DLGAP2: variants seen among roughly 807,000 people sequenced by gnomAD.
DLGAP2 encodes disks large-associated protein 2.
A neutral mutation model predicts 100.3 loss-of-function variants in DLGAP2; 26 were observed. The ratio of observed to expected loss-of-function variants is 0.26; its 90% CI spans 0.19 to 0.36. The LOEUF (loss-of-function observed/expected upper bound fraction) is 0.36. Ranked by LOEUF, DLGAP2 falls within the 10% of genes least tolerant of loss-of-function variation. DLGAP2 has a pLI of 1.00. For missense variants in DLGAP2, 1,858 were observed against 1,453.2 expected (o/e 1.28, Z -4.53); for synonymous variants, 886 against 630.1 (o/e 1.41, Z -6.08).
Position 1,071,362 on chromosome 8 carries a change from G to A in DLGAP2, c.73+163396G>A, listed in dbSNP as rs554531090. 7.2e-5 allele frequency among the ~76,000 whole-genome samples: 11 copies of A among 152,290 alleles called. No individual in the cohort carries two copies. In the South Asian group the frequency reaches 2.1e-3, roughly 29 times the overall value. The stretch of plus-strand genomic sequence containing the variant: ...CCACGGTGCTTGACTTTCAAGGGTG[G>A]CTTCCTGGATGACTCCCCTCCCTCC... On this transcript the variant is annotated intron_variant, in intron 2 of 14. Coordinates refer to ENST00000637795, the MANE Select transcript of DLGAP2 (RefSeq NM_001346810.2).
intron 3 of DLGAP2, among the ~76,000 whole-genome samples, chr8:1,440,176 A>G (rs1010664207): frequency 1.3e-5 from 2 of 152,220 alleles, no homozygotes; most frequent in African/African-American, 4.8e-5. Flanking sequence ...GGGAGAAAAG[A>G]CCCTGATACA....
At chr8:1,545,903 T>C (rs1468127204) in intron 4 of DLGAP2, among the ~76,000 whole-genome samples, 5 of 152,202 alleles carry the variant, frequency 3.3e-5, no homozygotes, top group Non-Finnish European at 5.9e-5. Context: ...GGGGCAGTAA[T>C]GGACTCTCTT....
intron 2 of DLGAP2, among the ~76,000 whole-genome samples, chr8:1,210,862 C>T (rs1174986743): frequency 6.6e-6 from 1 of 152,200 alleles, no homozygotes; most frequent in African/African-American, 2.4e-5. Flanking sequence ...GTAGTTCCCC[C>T]TCCCTCCCAG....
intron 1 of DLGAP2, among the ~76,000 whole-genome samples, chr8:819,504 G>A (rs546909651): frequency 1.3e-5 from 2 of 152,100 alleles, no homozygotes; most frequent in Non-Finnish European, 2.9e-5. Context: ...TACTATCTTG[G>A]GAAAATATAT....
At chr8:1,110,052 G>T (rs1260281307) in intron 2 of DLGAP2, among the ~76,000 whole-genome samples, 1 of 141,898 alleles carries the variant, frequency 7.0e-6, no homozygotes, top group East Asian at 2.2e-4. Flanking sequence ...AAGTGTGCTG[G>T]GTCTGTGATG....
intron 1 of DLGAP2, among the ~76,000 whole-genome samples, chr8:786,982 C>G (rs554177254): frequency 6.6e-6 from 1 of 152,160 alleles, no homozygotes. Flanking sequence ...TTGGTCCTGT[C>G]AGATTCTAAC....
At position 949,653 on chromosome 8, in the gene DLGAP2, C is replaced by G. The variant is rs1371396970; in HGVS notation, c.73+41687C>G. On this transcript the variant is annotated intron_variant, in intron 2 of 14. Coordinates refer to ENST00000637795, the MANE Select transcript of DLGAP2 (RefSeq NM_001346810.2). ...TGGGTCACTCTTTTTCTGGCAGGTC[C>G]TCTTTCTCCTACATGTCCTCGTTCC... Among the ~76,000 whole-genome samples the G allele has an allele frequency of 2.6e-5, 4 of 152,346 alleles. No homozygotes were observed. The East Asian group carries it at 7.7e-4, about 29-fold the overall frequency.
Position 1,432,638 on chromosome 8 carries a change from T to C in DLGAP2, c.107-68728T>C, listed in dbSNP as rs899459992. On this transcript the variant is annotated intron_variant, in intron 3 of 14. Transcript: ENST00000637795. ...TTTAAGTTAATTGTAAAAACACATT[T>C]GACATTTTCATATTGAAGGCACTGG... Among the ~76,000 whole-genome samples the C allele has an allele frequency of 3.3e-4, 50 of 152,220 alleles. 2 individuals carry two copies. Among genetic ancestry groups the C allele is most frequent in the Admixed American group, 2.0e-3 (31 of 15,280 alleles).
intron 1 of DLGAP2, among the ~76,000 whole-genome samples, chr8:818,558 G>C (rs779454807): frequency 6.6e-6 from 1 of 152,134 alleles, no homozygotes; most frequent in African/African-American, 2.4e-5. Flanking sequence ...TGTTCCTGCC[G>C]TAGTTCTTGG....
At chr8:1,529,927 G>T (rs1414347998) in intron 4 of DLGAP2, among the ~76,000 whole-genome samples, 2 of 152,180 alleles carry the variant, frequency 1.3e-5, no homozygotes, top group African/African-American at 4.8e-5. Context: ...GGGAGGGAGT[G>T]TGCGAATAGG....
chr8:1,492,212 A>G (rs553524120), intron 3 of DLGAP2, among the ~76,000 whole-genome samples: 2 of 152,348 alleles, frequency 1.3e-5, no homozygotes, highest in East Asian at 3.9e-4. Context: ...AAAAGCCATT[A>G]GTAATCATTA....
At chr8:892,702 G>A (rs187955532) in intron 1 of DLGAP2, among the ~76,000 whole-genome samples, 15 of 152,296 alleles carry the variant, frequency 9.8e-5, no homozygotes, top group Admixed American at 5.2e-4. Flanking sequence ...ACAGAGAGGC[G>A]GGGGAGACCG....
rs368123430 is a variant in DLGAP2 at position 1,303,214 on chromosome 8, G to A, written c.106+44331G>A. 9.9e-5 allele frequency among the ~76,000 whole-genome samples: 15 copies of A among 152,246 alleles called. 1 individual carries two copies. The East Asian group carries it at 1.4e-3, about 14-fold the overall frequency. ...AGCTCAAGACCATCCTGGCTAACAC[G>A]GTGAAACCCCGTCTCTACTAAAAAT... On this transcript the variant is annotated intron_variant, in intron 3 of 14. Transcript: ENST00000637795.
intron 8 of DLGAP2, among the ~76,000 whole-genome samples, chr8:1,664,170 C>G (rs906359175): frequency 6.6e-6 from 1 of 152,174 alleles, no homozygotes; most frequent in Non-Finnish European, 1.5e-5. Flanking sequence ...CTGGCCTTCC[C>G]GTGGCAGCGT....
chr8:1,668,651 G>A lies in DLGAP2; in HGVS notation c.2133G>A (p.Lys711=). ...ILVSKAEELL[K]SRCSSIGIQD... ...TGTCCAAGGCGGAGGAGCTCCTCAA[G>A]AGCCGCTGCTCCTCCATCGGGATTC... Residue 711 remains lysine (K), a synonymous_variant, in exon 9 of 15, where the codon AAG becomes AAA. Transcript: ENST00000637795. 7.6e-6 allele frequency: 12 copies of A among 1,577,962 alleles called. No homozygotes were observed. The highest frequency in any genetic ancestry group is 1.0e-5 in the Non-Finnish European group (12 of 1,161,606).
intron 3 of DLGAP2, among the ~76,000 whole-genome samples, chr8:1,417,642 C>T (rs1584878781): frequency 6.7e-6 from 1 of 148,226 alleles, no homozygotes; most frequent in Non-Finnish European, 1.5e-5. Context: ...CAGGGGGGCA[C>T]GGGGAGCCCC....
chr8:876,136 AT>A, intron 1 of DLGAP2, among the ~76,000 whole-genome samples: 1 of 152,248 alleles, frequency 6.6e-6, no homozygotes, highest in East Asian at 1.9e-4. Flanking sequence ...CATATGTATT[AT>A]TTTATACAAT....
At position 1,012,468 on chromosome 8, in the gene DLGAP2, G is replaced by A. The variant is rs536940666; in HGVS notation, c.73+104502G>A. On this transcript the variant is annotated intron_variant, in intron 2 of 14. Coordinates refer to ENST00000637795, the MANE Select transcript of DLGAP2 (RefSeq NM_001346810.2). The stretch of plus-strand genomic sequence containing the variant: ...GGCTGCCTCTGCGGGAACTTCCAGC[G>A]GCAGTGTGGACACCGTCTGACCAGC... Among the ~76,000 whole-genome samples, 18 of 151,674 alleles carry A rather than the reference G, an allele frequency of 1.2e-4. No individual in the cohort carries two copies. The South Asian group carries it at 1.7e-3, about 14-fold the overall frequency.
At chr8:1,059,910 G>A (rs559910520) in intron 2 of DLGAP2, among the ~76,000 whole-genome samples, 2 of 152,202 alleles carry the variant, frequency 1.3e-5, no homozygotes, top group Non-Finnish European at 2.9e-5. Context: ...GGCCCCGGGG[G>A]CATGGATCGG....
Sources: allele counts gnomAD v4.1 joint callset (sites outside exome capture counted in the v4.1 genomes callset), GRCh38; gene constraint gnomAD v4.1.1; transcripts MANE v1.5; gene names NCBI Gene and HGNC (gene_info 2026-07-23, HGNC 2026-07-21).